LMO3: variants seen among roughly 807,000 people sequenced by gnomAD.
LMO3 encodes the protein LIM domain only 3.
A neutral mutation model predicts 15.8 loss-of-function variants in LMO3; 2 were observed. The observed-to-expected ratio is 0.13, with a 90% CI of 0.05 to 0.40. The LOEUF (loss-of-function observed/expected upper bound fraction) is 0.40. Among genes scored for constraint, LMO3 ranks in the 10% least tolerant of loss-of-function variants. The probability of loss-of-function intolerance (pLI) is 0.99; values close to 1 mark genes in which losing one functional copy is unlikely to be tolerated. For synonymous variants in LMO3, 62 were observed against 63.8 expected (o/e 0.97, Z 0.13); for missense variants, 86 against 182.2 (o/e 0.47, Z 3.04).
rs144147963 is a variant in LMO3, at chr12:16,550,514, C to T, written c.*708G>A. On this transcript the variant is annotated 3_prime_UTR_variant, in exon 4 of 4. Coordinates refer to ENST00000537304, the MANE Select transcript of LMO3 (RefSeq NM_018640.5). The stretch of plus-strand genomic sequence containing the variant: ...GTTATTCTAAAAATGGCACTTTTCA[C>T]GTTGGTATAAAATGAAAGTGCTTTA... 6.6e-5 allele frequency: 10 copies of T among 152,372 alleles called. No individual in the cohort carries two copies. Among genetic ancestry groups the T allele is most frequent in the Middle Eastern group, 3.4e-3 (1 of 294 alleles). 9.4% of individuals were successfully genotyped at this position (152,372 alleles called of 1,614,324 possible).
At chr12:16,607,932 T>A (rs1470910886), upstream of LMO3, 3 of 152,270 alleles carry the variant, frequency 2.0e-5, no homozygotes, top group Non-Finnish European at 4.4e-5. Flanking sequence ...AACTCAGAAC[T>A]AACCTGAAAA....
rs1282352633 is a variant in LMO3, at chr12:16,585,719, T to C, written c.206+14936A>G. Among the ~76,000 whole-genome samples the C allele has an allele frequency of 6.6e-6, 1 of 152,036 alleles. No individual in the cohort carries two copies. Among genetic ancestry groups the C allele is most frequent in the African/African-American group, 2.4e-5 (1 of 41,394 alleles). On this transcript the variant is annotated intron_variant, in intron 2 of 3. Coordinates refer to ENST00000537304, the MANE Select transcript of LMO3 (RefSeq NM_018640.5). The surrounding 1 kb of genome is among the most constrained non-coding windows in gnomAD (Gnocchi z 4.7). ...GTGATGTAAGCAGCTCCAAATATAA[T>C]AATAGAAAGGAAAATATGGGTGAGA...
chr12:16,569,009 T>G (rs2137416592), intron 2 of LMO3, among the ~76,000 whole-genome samples: 1 of 152,330 alleles, frequency 6.6e-6, no homozygotes, highest in Admixed American at 6.5e-5. Context: ...AGCTCTCTCA[T>G]AATCTGAAAT....
chr12:16,577,445 T>G (rs1012574538), intron 2 of LMO3, among the ~76,000 whole-genome samples: 9 of 152,190 alleles, frequency 5.9e-5, no homozygotes, highest in Non-Finnish European at 1.2e-4. Flanking sequence ...GTCATCTTAT[T>G]GCATTTATTT....
chr12:16,554,261 C>T (rs1401289328), intron 3 of LMO3, among the ~76,000 whole-genome samples: 3 of 152,188 alleles, frequency 2.0e-5, no homozygotes, highest in Non-Finnish European at 4.4e-5. Context: ...GAAGCCTCCA[C>T]TGGTAACATC....
Position 16,549,983 on chromosome 12 carries a change from A to C in LMO3, c.*1239T>G, listed in dbSNP as rs1941925606. 1.3e-5 allele frequency: 2 copies of C among 152,098 alleles called. No homozygotes were observed. Among genetic ancestry groups the C allele is most frequent in the Admixed American group, 1.3e-4 (2 of 15,270 alleles). The allele number at this position is 152,098 out of a possible 1,614,324, so 9.4% of individuals were successfully genotyped here. A position where few individuals can be genotyped will look rare whatever the true frequency, so the allele number is the denominator to read the frequency against. On this transcript the variant is annotated 3_prime_UTR_variant, in exon 4 of 4. Transcript: ENST00000537304. Reference sequence around the variant, plus strand: ...AACAATGAGAGAGTAAAACACATCAAACTTAAAGTGTTTACTTTTTGAACA... The same window carrying C: ...AACAATGAGAGAGTAAAACACATCACACTTAAAGTGTTTACTTTTTGAACA...
chr12:16,607,736 T>C (rs1045398831), upstream of LMO3: 1 of 151,886 alleles, frequency 6.6e-6, no homozygotes, highest in African/African-American at 2.4e-5. Context: ...ACCATCAGTT[T>C]TAATCTAGCT....
At position 16,582,921 on chromosome 12, in the gene LMO3, C is replaced by T. The variant is rs1021590002; in HGVS notation, c.206+17734G>A. Among the ~76,000 whole-genome samples, 3 of 151,964 alleles carry T rather than the reference C, an allele frequency of 2.0e-5. No individual in the cohort carries two copies. The highest frequency in any genetic ancestry group is 6.6e-5 in the Admixed American group (1 of 15,244). The stretch of plus-strand genomic sequence containing the variant: ...AATTAGCCGGGAGTGGTGGCATGCA[C>T]CTGTAATCCCAGCTACTCAGGAGGC... On this transcript the variant is annotated intron_variant, in intron 2 of 3. Transcript: ENST00000537304. The surrounding 1 kb of genome is among the most constrained non-coding windows in gnomAD (Gnocchi z 4.1).
chr12:16,578,189 A>T (rs528321847), intron 2 of LMO3, among the ~76,000 whole-genome samples: 1 of 152,316 alleles, frequency 6.6e-6, no homozygotes, highest in South Asian at 2.1e-4. Context: ...ATGTTAACTA[A>T]CTACCTAAAG....
At chr12:16,562,849 G>A (rs1206800389) in intron 2 of LMO3, among the ~76,000 whole-genome samples, 1 of 152,186 alleles carries the variant, frequency 6.6e-6, no homozygotes, top group African/African-American at 2.4e-5. Context: ...CCCGTACGGC[G>A]CACTGCTACC....
chr12:16,593,508 G>A lies in LMO3; in HGVS notation c.206+7147C>T, dbSNP rs1039853263. 1.3e-4 allele frequency among the ~76,000 whole-genome samples: 19 copies of A among 151,830 alleles called. No homozygotes were observed. The highest frequency in any genetic ancestry group is 4.6e-4 in the African/African-American group (19 of 41,492). ...AAAACACTAACATGATAGCGCAAAG[G>A]AATTCGGCGAAAAGAGAATCATTAC... On this transcript the variant is annotated intron_variant, in intron 2 of 3. Coordinates refer to ENST00000537304, the MANE Select transcript of LMO3 (RefSeq NM_018640.5). The surrounding 1 kb of genome is among the most constrained non-coding windows in gnomAD (Gnocchi z 4.2).
At position 16,584,157 on chromosome 12, in the gene LMO3, G is replaced by A. The variant is rs1212039501; in HGVS notation, c.206+16498C>T. Among the ~76,000 whole-genome samples, 1 of 152,122 alleles carries A rather than the reference G, an allele frequency of 6.6e-6. No individual in the cohort carries two copies. The highest frequency in any genetic ancestry group is 2.4e-5 in the African/African-American group (1 of 41,422). ...GTGGTAAGAGGGAAATGACAGCAGT[G>A]AGTAGGGGTAAAAGGTAGTATAATT... On this transcript the variant is annotated intron_variant, in intron 2 of 3. Transcript: ENST00000537304. This position sits in a 1 kb window ranked among gnomAD's most constrained non-coding sequence, Gnocchi z 5.2.
At chr12:16,573,818 C>T (rs1017712641) in intron 2 of LMO3, 1 of 152,142 alleles carries the variant, frequency 6.6e-6, no homozygotes. Context: ...TGCTTTACCA[C>T]GTTAAGTGTC....
rs568574569 is a variant in LMO3, at chr12:16,582,772, G to C, written c.206+17883C>G. Among the ~76,000 whole-genome samples, 80 of 152,272 alleles carry C rather than the reference G, an allele frequency of 5.3e-4. 1 individual carries two copies. The highest frequency in any genetic ancestry group is 1.9e-3 in the African/African-American group (77 of 41,562). Reference sequence around the variant, plus strand: ...CAGAAAAGAATCAGAACTAGGCCGGGCACGGTGGCCCATGCCTGTAATCCC... The same window carrying C: ...CAGAAAAGAATCAGAACTAGGCCGGCCACGGTGGCCCATGCCTGTAATCCC... On this transcript the variant is annotated intron_variant, in intron 2 of 3. Coordinates refer to ENST00000537304, the MANE Select transcript of LMO3 (RefSeq NM_018640.5). The surrounding 1 kb of genome is among the most constrained non-coding windows in gnomAD (Gnocchi z 4.1).
chr12:16,574,510 T>C (rs762202949), intron 2 of LMO3, among the ~76,000 whole-genome samples: 1 of 152,174 alleles, frequency 6.6e-6, no homozygotes, highest in African/African-American at 2.4e-5. Flanking sequence ...TTTTTTCTTA[T>C]AGTCTTTCTG....
chr12:16,590,280 G>A (rs1376105100), intron 2 of LMO3, among the ~76,000 whole-genome samples: 1 of 152,042 alleles, frequency 6.6e-6, no homozygotes, highest in Non-Finnish European at 1.5e-5. Flanking sequence ...TAGGTTAGTG[G>A]TGAGAAATAT....
At chr12:16,581,316 G>C (rs1010672255) in intron 2 of LMO3, among the ~76,000 whole-genome samples, 1 of 152,100 alleles carries the variant, frequency 6.6e-6, no homozygotes, top group Non-Finnish European at 1.5e-5. Flanking sequence ...TGGGAACTTT[G>C]ACTAAATGAC....
rs76725124 is a variant in LMO3 at position 16,559,812 on chromosome 12, A to G, written c.332+601T>C. Among the ~76,000 whole-genome samples the G allele has an allele frequency of 6.8e-6, 1 of 146,018 alleles. No homozygotes were observed. The highest frequency in any genetic ancestry group is 6.9e-5 in the Admixed American group (1 of 14,576). Reference sequence around the variant, plus strand: ...CTATAAAAAATGAAAAAAAAAAAAAATTAGCCAGGCATGGGAGTGCACACC... The same window carrying G: ...CTATAAAAAATGAAAAAAAAAAAAAGTTAGCCAGGCATGGGAGTGCACACC... On this transcript the variant is annotated intron_variant, in intron 3 of 3. Coordinates refer to ENST00000537304, the MANE Select transcript of LMO3 (RefSeq NM_018640.5). The surrounding 1 kb of genome is among the most constrained non-coding windows in gnomAD (Gnocchi z 4.1).
At chr12:16,556,925 C>T (rs764671504) in intron 3 of LMO3, among the ~76,000 whole-genome samples, 1 of 152,052 alleles carries the variant, frequency 6.6e-6, no homozygotes, top group Non-Finnish European at 1.5e-5. Context: ...ATGAAGCGAA[C>T]ACAGAAATAT....
Sources: gnomAD v4.1 joint callset for allele counts (sites outside exome capture counted in the v4.1 genomes callset) on GRCh38, gnomAD v4.1.1 for gene constraint, Gnocchi (gnomAD v3.1) non-coding constraint, MANE v1.5 for transcripts, NCBI Gene and HGNC (gene_info 2026-07-23, HGNC 2026-07-21) for gene names.